Variants in KCP observed in about 807,000 individuals in gnomAD.
KCP encodes kielin/chordin-like protein.
In KCP, 194 loss-of-function variants were observed where a neutral mutation model predicts 212.7. The ratio of observed to expected loss-of-function variants is 0.91; its 90% CI spans 0.81 to 1.03. The LOEUF is 1.03. KCP is among the 50% of genes least tolerant of loss of function. The pLI is 0.00. For missense variants in KCP, 2,080 were observed against 2,162.5 expected (o/e 0.96, Z 0.76); for synonymous variants, 833 against 865.3 (o/e 0.96, Z 0.65).
At chr7:128,887,069 G>A (rs921917736) in intron 23 of KCP, 103 bp from the exon 24 acceptor site, 12 of 1,033,172 alleles carry the variant, frequency 1.2e-5, no homozygotes, top group South Asian at 6.8e-5. Context: ...CCCTTGGCCC[G>A]GGACACCTGA....
chr7:128,877,643 C>T lies in KCP; in HGVS notation c.4459G>A (p.Val1487Met). The change falls in exon 39 of 40, where the codon GTG (valine) becomes ATG (methionine). Residue 1487 changes from valine to methionine, a missense_variant. Coordinates refer to ENST00000610776, the MANE Select transcript of KCP (RefSeq NM_001366122.1). Reference protein sequence around the residue: ...SSPFSRCHAVVPPEPFFAACV... With the variant: ...SSPFSRCHAVMPPEPFFAACV... ...GCGGCAAAGAAGGGCTCCGGTGGCA[C>T]CACAGCATGGCAGCGACTGAATGGG... is the stretch of plus-strand genomic sequence containing the variant. The T allele has an allele frequency of 6.4e-7, 1 of 1,551,636 alleles. No homozygotes were observed. The highest frequency in any genetic ancestry group is 8.7e-7 in the Non-Finnish European group (1 of 1,146,998).
Position 128,902,835 on chromosome 7 carries a change from C to CA in KCP, c.772dup (p.Trp258LeufsTer51). The CA allele has an allele frequency of 6.4e-7, 1 of 1,551,438 alleles. No individual in the cohort carries two copies. Among genetic ancestry groups the CA allele is most frequent in the Non-Finnish European group, 8.7e-7 (1 of 1,146,998 alleles). ...TGTTGTCCACTCTTGGCCATGTTCC[C>CA]AGTGAGAGCCACCTTCTGTGCAGCC... On this transcript the variant is annotated frameshift_variant, in exon 8 of 40. Coordinates refer to ENST00000610776, the MANE Select transcript of KCP (RefSeq NM_001366122.1). LOFTEE classifies it high-confidence loss of function.
chr7:128,907,177 C>T lies in KCP; in HGVS notation c.410G>A (p.Gly137Asp). The T allele has an allele frequency of 6.4e-7, 1 of 1,551,102 alleles. No individual in the cohort carries two copies. The highest frequency in any genetic ancestry group is 8.7e-7 in the Non-Finnish European group (1 of 1,146,564). ...GTAGGTCTGGCCATTTTGGCTGCAG[C>T]CTAAGGAGACAGCAGTGTCACTCAA... ...GPQAHLPHCR[G>D]CSQNGQTYGN... is the part of the protein sequence containing the mutation. The change falls in exon 4 of 40, where the codon GGC becomes GAC. Residue 137 changes from glycine to aspartate, a missense_variant and splice_region_variant. Transcript: ENST00000610776.
Position 128,876,952 on chromosome 7 carries a change from G to C in KCP, c.*91C>G. ...GGCCCAGGCTCCAGTGTCCAGGCAG[G>C]GCATTCTCTCCATAGCCCTAACCAG... On this transcript the variant is annotated 3_prime_UTR_variant, in exon 40 of 40. Coordinates refer to ENST00000610776, the MANE Select transcript of KCP (RefSeq NM_001366122.1). 1 of 1,433,270 alleles carries C rather than the reference G, an allele frequency of 7.0e-7. No homozygotes were observed. The highest frequency in any genetic ancestry group is 9.3e-7 in the Non-Finnish European group (1 of 1,079,932). The allele number at this position is 1,433,270 out of a possible 1,614,324, so 88.8% of individuals were successfully genotyped here.
intron 5 of KCP, among the ~76,000 whole-genome samples, chr7:128,905,417 C>T (rs905758448): frequency 2.6e-5 from 4 of 152,126 alleles, no homozygotes; most frequent in African/African-American, 9.7e-5. Flanking sequence ...CCTCTTCCTC[C>T]CAGCTCTCTT....
chr7:128,888,259 TAC>T, intron 22 of KCP, among the ~76,000 whole-genome samples: 1 of 122,656 alleles, frequency 8.2e-6, no homozygotes, highest in East Asian at 2.6e-4. Context: ...CACACACACG[TAC>T]ACAGACACAC....
chr7:128,908,729 G>A (rs1417595227), intron 1 of KCP, among the ~76,000 whole-genome samples, 161 bp from the exon 2 acceptor site: 1 of 152,250 alleles, frequency 6.6e-6, no homozygotes, highest in East Asian at 1.9e-4. Flanking sequence ...GCCAGCACAG[G>A]CTGAAACGCA....
rs1445341815 is a variant in KCP, at chr7:128,910,570, C to A, written c.76+31G>T. On this transcript the variant is annotated intron_variant, in intron 1 of 39. Coordinates refer to ENST00000610776, the MANE Select transcript of KCP (RefSeq NM_001366122.1). ...ATAGGAGGGAGGGGGCGCACCTGGCCGGACCCCAAGCCTCCCGCACCTGGA... is the reference window on the plus strand; with the variant it reads ...ATAGGAGGGAGGGGGCGCACCTGGCAGGACCCCAAGCCTCCCGCACCTGGA... 2.0e-6 allele frequency: 3 copies of A among 1,504,380 alleles called. No homozygotes were observed. In the East Asian group the frequency reaches 8.0e-5, roughly 40 times the overall value. The allele number at this position is 1,504,380 out of a possible 1,614,324, so 93.2% of individuals were successfully genotyped here.
chr7:128,909,998 G>C (rs1189696940), intron 1 of KCP, among the ~76,000 whole-genome samples: 1 of 152,178 alleles, frequency 6.6e-6, no homozygotes, highest in Non-Finnish European at 1.5e-5. Flanking sequence ...CTGCTGCCCA[G>C]GGCCCCTCCT....
In KCP at chr7:128,887,283, C is replaced by T. The variant is rs75508356; in HGVS notation, c.2530G>A (p.Val844Ile). 236 of 1,551,282 alleles carry T rather than the reference C, an allele frequency of 1.5e-4. No homozygotes were observed. In the East Asian group the frequency reaches 3.3e-3, roughly 22 times the overall value. The change falls in exon 23 of 40, where the codon GTC becomes ATC. Residue 844 changes from valine (V) to isoleucine (I), a missense_variant. By Grantham distance (29) the Val-to-Ile change is conservative. Coordinates refer to ENST00000610776, the MANE Select transcript of KCP (RefSeq NM_001366122.1). Reference protein sequence around the residue: ...PTCQGCRYHGVTTASGETLPD... With the variant: ...PTCQGCRYHGITTASGETLPD... The stretch of plus-strand genomic sequence containing the variant: ...AGGGTCTCTCCGGAGGCAGTAGTGA[C>T]GCCATGGTAGCGGCATCCTGGCAGA...
chr7:128,907,100 C>T lies in KCP; in HGVS notation c.486+1G>A. On this transcript the variant is annotated splice_donor_variant, in intron 4 of 39. Transcript: ENST00000610776. LOFTEE classifies it high-confidence loss of function. Reference sequence around the variant, plus strand: ...TATCCAGGTAGGTCCTGGGAGCTTACCAGACAGCGGCAGGTGGTGCAGGCA... The same window carrying T: ...TATCCAGGTAGGTCCTGGGAGCTTATCAGACAGCGGCAGGTGGTGCAGGCA... 3 of 1,550,976 alleles carry T rather than the reference C, an allele frequency of 1.9e-6. No individual in the cohort carries two copies. The highest frequency in any genetic ancestry group is 2.6e-6 in the Non-Finnish European group (3 of 1,146,744).
At chr7:128,879,226 C>A in intron 37 of KCP, 1 of 459,446 alleles carries the variant, frequency 2.2e-6, no homozygotes, top group Non-Finnish European at 3.9e-6. Context: ...TCCCCACTGC[C>A]ACTGACCCTT....
At position 128,903,749 on chromosome 7, in the gene KCP, C is replaced by T. The variant is rs1477217964; in HGVS notation, c.726G>A (p.Gly242=). The T allele has an allele frequency of 6.4e-7, 1 of 1,550,664 alleles. No homozygotes were observed. Among genetic ancestry groups the T allele is most frequent in the Non-Finnish European group, 8.7e-7 (1 of 1,146,592 alleles). Residue 242 remains glycine, a synonymous_variant, in exon 7 of 40, where the codon GGG becomes GGA. Coordinates refer to ENST00000610776, the MANE Select transcript of KCP (RefSeq NM_001366122.1). ...CACCTTGGCAGGTTGGGCAGCAGTG[C>T]CCAGGCCTCAGCACTGGCTCTGGGC... ...SPCPEPVLRP[G]HCCPTCQGCT... is the part of the protein sequence containing the mutation.
intron 29 of KCP, 38 bp downstream of exon 29, chr7:128,883,964 A>C: frequency 6.5e-7 from 1 of 1,533,320 alleles, no homozygotes; most frequent in Non-Finnish European, 8.8e-7. Context: ...GGCAGCCCTA[A>C]CCTCATATCT....
chr7:128,880,221 G>T, intron 34 of KCP, 136 bp from the exon 35 acceptor site: 1 of 1,274,840 alleles, frequency 7.8e-7, no homozygotes, highest in Non-Finnish European at 1.1e-6. Context: ...CCCTGTGAGT[G>T]AGGTCAGGGC....
At chr7:128,902,722 A>G (rs995736018) in intron 8 of KCP, 55 bp downstream of exon 8, 26 of 1,446,134 alleles carry the variant, frequency 1.8e-5, no homozygotes, top group Non-Finnish European at 2.5e-5. Context: ...GCAAATGAAT[A>G]CAGTGGGCCT....
intron 34 of KCP, 100 bp from the exon 35 acceptor site, chr7:128,880,185 A>G (rs1793240891): frequency 3.0e-6 from 4 of 1,355,914 alleles, no homozygotes; most frequent in Admixed American, 2.6e-5. Context: ...GTCTCCAGGG[A>G]TCTCCAGGAC....
At chr7:128,891,341 C>G in intron 18 of KCP, 63 bp from the exon 19 acceptor site, 2 of 1,546,880 alleles carry the variant, frequency 1.3e-6, no homozygotes, top group Non-Finnish European at 1.7e-6. Context: ...GGAGACCCCT[C>G]CCACCCAGTG....
chr7:128,907,293 C>T lies in KCP; in HGVS notation c.380G>A (p.Gly127Asp). 1.3e-6 allele frequency: 2 copies of T among 1,537,152 alleles called. No individual in the cohort carries two copies. The highest frequency in any genetic ancestry group is 1.8e-6 in the Non-Finnish European group (2 of 1,135,742). ...GCAATGGGGCAGGTGTGCTTGGGGG[C>T]CACAGTGAGCGGCCCCATCCTGGCA... is the stretch of plus-strand genomic sequence containing the variant. ...CVCQDGAAHC[G>D]PQAHLPHCRG... is the part of the protein sequence containing the mutation. The change falls in exon 3 of 40, where the codon GGC becomes GAC. Residue 127 changes from glycine to aspartate, a missense_variant. Gly to Asp is a moderately conservative substitution (Grantham distance 94). Transcript: ENST00000610776.
Sources: allele counts gnomAD v4.1 joint callset (sites outside exome capture counted in the v4.1 genomes callset), GRCh38; gene constraint gnomAD v4.1.1; transcripts MANE v1.5; gene names NCBI Gene and HGNC (gene_info 2026-07-23, HGNC 2026-07-21).